The following RPA3 variants were observed in gnomAD, a reference collection of about 807,000 sequenced individuals.
RPA3 encodes the protein replication protein A 14 kDa subunit.
RPA3 carries 24 observed loss-of-function variants against 13.7 expected under a neutral mutation model. The ratio of observed to expected loss-of-function variants is 1.75; its 90% confidence interval spans 1.27 to 2.46. The LOEUF is 2.46. RPA3 is among the 30% of genes most tolerant of loss of function. RPA3 has a pLI of 0.00. For synonymous variants in RPA3, 59 were observed against 51.2 expected, an observed-to-expected ratio of 1.15 and a Z score of -0.65; for missense variants, 183 against 151.0, an observed-to-expected ratio of 1.21 and a Z score of -1.11.
intron 7 of RPA3, 121 bp downstream of exon 7, chr7:7,637,741 CTG>C (rs972282723): frequency 3.0e-5 from 15 of 493,266 alleles, no homozygotes; most frequent in Admixed American, 2.1e-4. Flanking sequence ...TTATATAAAA[CTG>C]TATGTTATGT....
In RPA3 at chr7:7,718,317, C is replaced by T. The variant is rs149198919; in HGVS notation, c.-1080+198G>A. 2.6e-3 allele frequency among the ~76,000 whole-genome samples: 392 copies of T among 152,200 alleles called. 1 individual carries two copies. The highest frequency in any genetic ancestry group is 4.3e-3 in the Non-Finnish European group (292 of 67,996). ...TATTTTGATATTTTTATAATGCCAT[C>T]GATGATACTGTATGCATAGTGAGGG... On this transcript the variant is annotated intron_variant, in intron 1 of 7. Coordinates refer to ENST00000223129, the MANE Select transcript of RPA3 (RefSeq NM_002947.5).
intron 7 of RPA3, 72 bp from the exon 8 acceptor site, chr7:7,637,154 T>G: frequency 6.5e-6 from 7 of 1,081,148 alleles, no homozygotes; most frequent in Non-Finnish European, 9.9e-6. Flanking sequence ...TCTAAGATAT[T>G]TTTACCTATT....
At chr7:7,705,417 T>C (rs1443404646) in intron 2 of RPA3, among the ~76,000 whole-genome samples, 1 of 152,210 alleles carries the variant, frequency 6.6e-6, no homozygotes, top group Non-Finnish European at 1.5e-5. Context: ...CACGATAAAA[T>C]AACTATGTAG....
chr7:7,670,212 T>C (rs1330429866), intron 4 of RPA3, among the ~76,000 whole-genome samples: 1 of 152,232 alleles, frequency 6.6e-6, no homozygotes, highest in African/African-American at 2.4e-5. Flanking sequence ...GAATGACTTA[T>C]TAAAACTACT....
chr7:7,670,863 T>TG (rs1297551244), intron 4 of RPA3, among the ~76,000 whole-genome samples: 1 of 152,176 alleles, frequency 6.6e-6, no homozygotes, highest in Non-Finnish European at 1.5e-5. Flanking sequence ...AGTAGAATTT[T>TG]GGGGGACCCC....
chr7:7,696,706 T>A (rs1322376421), intron 2 of RPA3, among the ~76,000 whole-genome samples: 2 of 152,190 alleles, frequency 1.3e-5, no homozygotes, highest in East Asian at 3.8e-4. Flanking sequence ...TTTTTCTGCC[T>A]CTAGAACTGC....
At position 7,640,626 on chromosome 7, in the gene RPA3, T is replaced by C. The variant is rs995957386; in HGVS notation, c.-208A>G. The C allele has an allele frequency of 1.6e-5, 9 of 569,306 alleles. No individual in the cohort carries two copies. Among genetic ancestry groups the C allele is most frequent in the South Asian group, 1.5e-4 (7 of 46,612 alleles). 35.3% of individuals were successfully genotyped at this position (569,306 alleles called of 1,614,324 possible). On this transcript the variant is annotated 5_prime_UTR_variant, in exon 5 of 8. Coordinates refer to ENST00000223129, the MANE Select transcript of RPA3 (RefSeq NM_002947.5). Reference sequence around the variant, plus strand: ...GGCTGGATGAGTCCGGAAGTGGAGATTGGCTGCTTAGTGACGCGCGGCGTC... The same window carrying C: ...GGCTGGATGAGTCCGGAAGTGGAGACTGGCTGCTTAGTGACGCGCGGCGTC...
intron 4 of RPA3, among the ~76,000 whole-genome samples, chr7:7,674,564 C>A (rs1779690565): frequency 6.6e-6 from 1 of 152,186 alleles, no homozygotes; most frequent in Non-Finnish European, 1.5e-5. Context: ...GACCAGATCC[C>A]TTATACCTGA....
At chr7:7,682,716 C>G (rs921679232) in intron 4 of RPA3, among the ~76,000 whole-genome samples, 1 of 152,176 alleles carries the variant, frequency 6.6e-6, no homozygotes, top group Non-Finnish European at 1.5e-5. Context: ...GTAACTTACC[C>G]TATCGCTGTC....
intron 4 of RPA3, among the ~76,000 whole-genome samples, chr7:7,643,370 GC>G (rs1785018429): frequency 6.6e-6 from 1 of 152,198 alleles, no homozygotes; most frequent in African/African-American, 2.4e-5. Flanking sequence ...CCTGCCGGCA[GC>G]CTATCCTAAG....
intron 2 of RPA3, among the ~76,000 whole-genome samples, chr7:7,703,632 G>T (rs185295484): frequency 3.1e-4 from 47 of 152,242 alleles, no homozygotes; most frequent in Admixed American, 1.6e-3. Context: ...CAGGGCCAAA[G>T]TTCAGTTCCT....
chr7:7,718,298 G>A (rs1171906498), intron 1 of RPA3, among the ~76,000 whole-genome samples: 2 of 152,062 alleles, frequency 1.3e-5, no homozygotes, highest in Non-Finnish European at 2.9e-5. Flanking sequence ...AAACTATTTT[G>A]ATATTTTTAT....
intron 4 of RPA3, among the ~76,000 whole-genome samples, chr7:7,652,634 T>G (rs766858142): frequency 5.3e-5 from 8 of 152,208 alleles, no homozygotes; most frequent in Non-Finnish European, 8.8e-5. Flanking sequence ...ATTGGTTAAT[T>G]CCGTGAATTT....
chr7:7,666,958 C>A (rs376986695), intron 4 of RPA3, among the ~76,000 whole-genome samples: 1 of 152,168 alleles, frequency 6.6e-6, no homozygotes, highest in Non-Finnish European at 1.5e-5. Context: ...CAGGCGTGCG[C>A]CACCACATCC....
intron 2 of RPA3, among the ~76,000 whole-genome samples, chr7:7,711,478 G>A (rs986321929): frequency 6.6e-6 from 1 of 152,026 alleles, no homozygotes; most frequent in South Asian, 2.1e-4. Flanking sequence ...TAAGGATATT[G>A]TACTTCAAGG....
rs1356317258 is a variant in RPA3, at chr7:7,657,600, A to G, written c.-757-16425T>C. On this transcript the variant is annotated intron_variant, in intron 4 of 7. Coordinates refer to ENST00000223129, the MANE Select transcript of RPA3 (RefSeq NM_002947.5). Reference sequence around the variant, plus strand: ...TTCCCCATGCTTGTTTTTTTCAGGTATGTCAAAGATCAGATGGTTGTAGAT... The same window carrying G: ...TTCCCCATGCTTGTTTTTTTCAGGTGTGTCAAAGATCAGATGGTTGTAGAT... Among the ~76,000 whole-genome samples, 3 of 151,996 alleles carry G rather than the reference A, an allele frequency of 2.0e-5. No individual in the cohort carries two copies. In the East Asian group the frequency reaches 5.8e-4, roughly 29 times the overall value.
At chr7:7,682,460 A>G (rs1182151926) in intron 4 of RPA3, among the ~76,000 whole-genome samples, 2 of 152,186 alleles carry the variant, frequency 1.3e-5, no homozygotes, top group Non-Finnish European at 1.5e-5. Flanking sequence ...TTTTAAAGGT[A>G]GTCTCTTCAT....
intron 4 of RPA3, among the ~76,000 whole-genome samples, chr7:7,662,293 T>G (rs1321079369): frequency 6.6e-6 from 1 of 152,146 alleles, no homozygotes; most frequent in Non-Finnish European, 1.5e-5. Context: ...CTCCCTGGCT[T>G]CAGCCCCCTT....
At chr7:7,691,694 AC>A (rs1171822053) in intron 2 of RPA3, among the ~76,000 whole-genome samples, 3 of 152,112 alleles carry the variant, frequency 2.0e-5, no homozygotes, top group African/African-American at 7.2e-5. Context: ...CATTTTAGTG[AC>A]CCTTTTTTGT....
Sources: allele counts gnomAD v4.1 joint callset (sites outside exome capture counted in the v4.1 genomes callset), GRCh38; gene constraint gnomAD v4.1.1; transcripts MANE v1.5; gene names NCBI Gene and HGNC (gene_info 2026-07-23, HGNC 2026-07-21).